SHISA9: variants seen among roughly 807,000 people sequenced by gnomAD.
SHISA9 encodes the protein protein shisa-9.
A neutral mutation model predicts 38.0 loss-of-function variants in SHISA9; 13 were observed. The observed-to-expected ratio is 0.34, with a 90% confidence interval of 0.22 to 0.54. SHISA9 has a LOEUF of 0.54. Among genes scored for constraint, SHISA9 ranks in the 20% least tolerant of loss-of-function variants. The pLI is 0.91. For synonymous variants in SHISA9, 275 were observed against 242.0 expected (o/e 1.14, Z -1.27); for missense variants, 538 against 575.8 (o/e 0.93, Z 0.67).
chr16:13,234,815 C>T (rs1022747466), intron 4 of SHISA9, among the ~76,000 whole-genome samples: 1 of 151,986 alleles, frequency 6.6e-6, no homozygotes, highest in Non-Finnish European at 1.5e-5. Flanking sequence ...TGCCTTTAAT[C>T]CTCTTGGTCC....
At chr16:13,500,375 A>T in the SHISA9 span, among the ~76,000 whole-genome samples, 1 of 152,202 alleles carries the variant, frequency 6.6e-6, no homozygotes, top group African/African-American at 2.4e-5. Flanking sequence ...GTATGTCTTC[A>T]TAGCAGTGTG....
chr16:13,353,189 A>G, the SHISA9 span, among the ~76,000 whole-genome samples: 8 of 152,082 alleles, frequency 5.3e-5, no homozygotes, highest in Non-Finnish European at 8.8e-5. Flanking sequence ...CTGAAAGGAG[A>G]TCTTGTGGTA....
chr16:13,082,511 G>A (rs1410031882), intron 2 of SHISA9: 3 of 152,092 alleles, frequency 2.0e-5, no homozygotes, highest in Admixed American at 6.6e-5. Flanking sequence ...GAGTGTCTCT[G>A]CAGGTACCTC....
intron 2 of SHISA9, among the ~76,000 whole-genome samples, chr16:13,110,782 A>G (rs2073970741): frequency 6.6e-6 from 1 of 152,222 alleles, no homozygotes; most frequent in African/African-American, 2.4e-5. Context: ...GACAGCTGGT[A>G]CTGAATTGAG....
At chr16:12,910,691 G>T in intron 1 of SHISA9, 1 of 985,380 alleles carries the variant, frequency 1.0e-6, no homozygotes, top group Non-Finnish European at 1.2e-6. Flanking sequence ...TGGGTGGAAG[G>T]CTATCAAGAA....
chr16:13,484,641 A>G, the SHISA9 span, among the ~76,000 whole-genome samples: 1 of 152,224 alleles, frequency 6.6e-6, no homozygotes, highest in South Asian at 2.1e-4. Flanking sequence ...TTATAAAGAA[A>G]AGAGATTTAA....
chr16:13,071,434 G>A (rs1410358821), intron 2 of SHISA9, among the ~76,000 whole-genome samples: 3 of 152,102 alleles, frequency 2.0e-5, no homozygotes, highest in Non-Finnish European at 2.9e-5. Flanking sequence ...AAGTAGCTGA[G>A]GCTCAGAACA....
chr16:13,007,119 A>G (rs571699374), intron 2 of SHISA9, among the ~76,000 whole-genome samples: 4 of 152,206 alleles, frequency 2.6e-5, no homozygotes, highest in Non-Finnish European at 5.9e-5. Context: ...TACAACGTAC[A>G]ACACAGACTA....
At chr16:13,128,032 A>G (rs1031691617) in intron 2 of SHISA9, among the ~76,000 whole-genome samples, 1 of 152,196 alleles carries the variant, frequency 6.6e-6, no homozygotes, top group Non-Finnish European at 1.5e-5. Flanking sequence ...GGGTGCATAC[A>G]GACTGTGCTA....
At chr16:13,245,704 T>C in the SHISA9 span, among the ~76,000 whole-genome samples, 1 of 152,224 alleles carries the variant, frequency 6.6e-6, no homozygotes, top group Non-Finnish European at 1.5e-5. Flanking sequence ...TTCTCTCTGA[T>C]TCAACCTTAA....
the SHISA9 span, among the ~76,000 whole-genome samples, chr16:13,260,007 C>CTTTCTTTTTTTTTTT: frequency 4.1e-4 from 25 of 60,418 alleles, no homozygotes; most frequent in South Asian, 7.5e-4. Context: ...TTCTTTCTTT[C>CTTTCTTTTTTTTTTT]TTTTTTTTTT....
the SHISA9 span, among the ~76,000 whole-genome samples, chr16:13,417,582 T>C: frequency 1.3e-5 from 2 of 152,250 alleles, no homozygotes; most frequent in Admixed American, 1.3e-4. Context: ...GTCAGTGTCT[T>C]GCAAACTGCT....
the SHISA9 span, among the ~76,000 whole-genome samples, chr16:13,437,433 G>C: frequency 1.2e-3 from 179 of 152,242 alleles, 1 homozygote; most frequent in African/African-American, 4.2e-3. Flanking sequence ...CAGTAAAAAA[G>C]ACATTATCAA....
chr16:13,051,398 C>A (rs1427764609), intron 2 of SHISA9, among the ~76,000 whole-genome samples: 2 of 152,214 alleles, frequency 1.3e-5, no homozygotes, highest in African/African-American at 2.4e-5. Context: ...GCCCTTGACT[C>A]GGGTTTATTA....
the SHISA9 span, among the ~76,000 whole-genome samples, chr16:13,428,425 G>C: frequency 0.36 from 55,210 of 151,982 alleles, 10,263 homozygotes; most frequent in Non-Finnish European, 0.39. Flanking sequence ...CAAATACATT[G>C]ACCAAGAGCT....
the SHISA9 span, among the ~76,000 whole-genome samples, chr16:13,541,678 G>C: frequency 6.6e-6 from 1 of 152,134 alleles, no homozygotes; most frequent in Non-Finnish European, 1.5e-5. Flanking sequence ...TGGGGTCTTC[G>C]GGGACAGAAT....
At chr16:13,345,989 G>C in the SHISA9 span, among the ~76,000 whole-genome samples, 1 of 152,054 alleles carries the variant, frequency 6.6e-6, no homozygotes, top group Non-Finnish European at 1.5e-5. Flanking sequence ...ATTTCTGTAA[G>C]TTTAAGGGGT....
the SHISA9 span, among the ~76,000 whole-genome samples, chr16:13,384,873 A>G: frequency 6.6e-6 from 1 of 152,222 alleles, no homozygotes; most frequent in African/African-American, 2.4e-5. Context: ...CCCCATTAAG[A>G]GGATGCAAAG....
At chr16:13,100,410 C>T (rs2073867055) in intron 2 of SHISA9, among the ~76,000 whole-genome samples, 1 of 152,114 alleles carries the variant, frequency 6.6e-6, no homozygotes, top group South Asian at 2.1e-4. Flanking sequence ...CAGATATGCA[C>T]CAGAACACAC....
Sources: gnomAD v4.1 joint callset for allele counts (sites outside exome capture counted in the v4.1 genomes callset) on GRCh38, gnomAD v4.1.1 for gene constraint, MANE v1.5 for transcripts, NCBI Gene and HGNC (gene_info 2026-07-23, HGNC 2026-07-21) for gene names.